The following GNG2 variants were observed in gnomAD, a reference collection of about 807,000 sequenced individuals.
GNG2 encodes G protein subunit gamma 2, also known as guanine nucleotide-binding protein G(I)/G(S)/G(O) subunit gamma-2.
Under a neutral mutation model 5.5 loss-of-function variants are expected in GNG2, and 5 were observed. The ratio of observed to expected loss-of-function variants is 0.91; its 90% confidence interval spans 0.48 to 1.92. The LOEUF is 1.92. Among genes scored for constraint, GNG2 ranks in the 30% most tolerant of loss-of-function variants. The pLI is 0.01. For synonymous variants in GNG2, 28 were observed against 32.0 expected (o/e 0.88, Z 0.42); for missense variants, 55 against 88.4 (o/e 0.62, Z 1.52).
At chr14:51,885,738 A>G (rs11157864) in intron 2 of GNG2, among the ~76,000 whole-genome samples, 16,605 of 152,238 alleles carry the variant, frequency 0.11, 1,672 homozygotes, top group African/African-American at 0.27. Flanking sequence ...AAGAAAAATC[A>G]TCAAGGAAAA....
chr14:51,835,651 A>T (rs1037169240), intron 2 of GNG2, among the ~76,000 whole-genome samples: 1 of 152,190 alleles, frequency 6.6e-6, no homozygotes, highest in Non-Finnish European at 1.5e-5. Context: ...TTACAGGATC[A>T]TCCACTGCTC....
At chr14:51,963,970 C>T (rs967277470) in intron 3 of GNG2, among the ~76,000 whole-genome samples, 1 of 152,080 alleles carries the variant, frequency 6.6e-6, no homozygotes, top group South Asian at 2.1e-4. Context: ...AAAATTTATG[C>T]CCACCTGGAA....
chr14:51,960,436 G>T (rs1253642), intron 3 of GNG2, among the ~76,000 whole-genome samples: 1 of 148,724 alleles, frequency 6.7e-6, no homozygotes, highest in South Asian at 2.1e-4. Flanking sequence ...AACAATATTC[G>T]TGTCTATAAA....
intron 1 of GNG2, among the ~76,000 whole-genome samples, chr14:51,865,560 AG>A (rs1882821796): frequency 6.6e-6 from 1 of 152,212 alleles, no homozygotes; most frequent in Non-Finnish European, 1.5e-5. Context: ...CCTCTTCATA[AG>A]GGATAATAAA....
At chr14:51,964,616 GTGGCAAA>G (rs1348556404) in intron 3 of GNG2, among the ~76,000 whole-genome samples, 12 of 152,310 alleles carry the variant, frequency 7.9e-5, no homozygotes, top group Admixed American at 2.0e-4. Flanking sequence ...TATCTGTTCT[GTGGCAAA>G]GGGAACAGAG....
intron 2 of GNG2, among the ~76,000 whole-genome samples, chr14:51,843,857 A>G (rs979132743): frequency 6.6e-6 from 1 of 152,072 alleles, no homozygotes; most frequent in Non-Finnish European, 1.5e-5. Flanking sequence ...CAAGCTATTC[A>G]TGGCTCACAG....
intron 2 of GNG2, among the ~76,000 whole-genome samples, chr14:51,934,643 G>C (rs1201890125): frequency 6.6e-6 from 1 of 152,126 alleles, no homozygotes; most frequent in Non-Finnish European, 1.5e-5. Context: ...TCAGCATTCA[G>C]TACCCTCCAT....
At chr14:51,837,575 A>G (rs557780565) in intron 2 of GNG2, among the ~76,000 whole-genome samples, 9 of 151,684 alleles carry the variant, frequency 5.9e-5, no homozygotes, top group Non-Finnish European at 1.3e-4. Context: ...TGAACCCAGG[A>G]CGCAGAGGCC....
At chr14:51,930,257 G>A (rs1034290459) in intron 2 of GNG2, among the ~76,000 whole-genome samples, 1 of 152,158 alleles carries the variant, frequency 6.6e-6, no homozygotes, top group African/African-American at 2.4e-5. Context: ...AAAAAGCCTT[G>A]TCCGGCCCAT....
intron 2 of GNG2, among the ~76,000 whole-genome samples, chr14:51,851,868 A>C (rs1881923857): frequency 6.6e-6 from 1 of 152,218 alleles, no homozygotes; most frequent in Non-Finnish European, 1.5e-5. Flanking sequence ...ATATAAAACC[A>C]TTGATGTATG....
At chr14:51,835,776 A>G (rs145076253) in intron 2 of GNG2, among the ~76,000 whole-genome samples, 7 of 152,300 alleles carry the variant, frequency 4.6e-5, no homozygotes, top group African/African-American at 1.7e-4. Context: ...AAAGTAGAAA[A>G]CTTTAGCAAA....
intron 2 of GNG2, among the ~76,000 whole-genome samples, chr14:51,832,088 T>C (rs1197267477): frequency 6.6e-6 from 1 of 152,074 alleles, no homozygotes; most frequent in Non-Finnish European, 1.5e-5. Flanking sequence ...GAGACCAGCT[T>C]GGACAACATG....
intron 2 of GNG2, among the ~76,000 whole-genome samples, chr14:51,854,051 T>G (rs1458514281): frequency 6.6e-6 from 1 of 152,036 alleles, no homozygotes; most frequent in African/African-American, 2.4e-5. Flanking sequence ...TTTTTGTATT[T>G]TTAGTAGAGA....
intron 2 of GNG2, among the ~76,000 whole-genome samples, chr14:51,933,133 C>T (rs976358012): frequency 6.6e-6 from 1 of 152,194 alleles, no homozygotes; most frequent in Non-Finnish European, 1.5e-5. Context: ...CTCAGTGAAG[C>T]TGATTTCAAA....
chr14:51,964,339 AC>A (rs1889778340), intron 3 of GNG2, among the ~76,000 whole-genome samples: 1 of 152,190 alleles, frequency 6.6e-6, no homozygotes, highest in Non-Finnish European at 1.5e-5. Flanking sequence ...GTTTTAAGTT[AC>A]CCAGTTTGTG....
chr14:51,926,610 C>G (rs1001316665), intron 2 of GNG2, among the ~76,000 whole-genome samples: 4 of 152,156 alleles, frequency 2.6e-5, no homozygotes, highest in African/African-American at 9.7e-5. Context: ...GCGCACTGGG[C>G]AGAGTGCACG....
chr14:51,834,668 G>A (rs1881285849), intron 2 of GNG2, among the ~76,000 whole-genome samples: 1 of 152,188 alleles, frequency 6.6e-6, no homozygotes, highest in Non-Finnish European at 1.5e-5. Flanking sequence ...TACTTTCCAG[G>A]AGAATCCTTT....
At chr14:51,919,107 G>A (rs1445537970) in intron 2 of GNG2, among the ~76,000 whole-genome samples, 1 of 152,136 alleles carries the variant, frequency 6.6e-6, no homozygotes, top group Non-Finnish European at 1.5e-5. Context: ...TTACAGGCAT[G>A]AGCCACCGCG....
chr14:51,843,860 GCT>G (rs1881552188), intron 2 of GNG2, among the ~76,000 whole-genome samples: 1 of 152,162 alleles, frequency 6.6e-6, no homozygotes, highest in Admixed American at 6.5e-5. Context: ...GCTATTCATG[GCT>G]CACAGAATAA....
Sources: gnomAD v4.1 joint callset for allele counts (sites outside exome capture counted in the v4.1 genomes callset) on GRCh38, gnomAD v4.1.1 for gene constraint, MANE v1.5 for transcripts, NCBI Gene and HGNC (gene_info 2026-07-23, HGNC 2026-07-21) for gene names.